HDAC9: variants seen among roughly 807,000 people sequenced by gnomAD.
HDAC9 encodes the protein MEF-2 interacting transcription repressor (MITR) protein.
A neutral mutation model predicts 139.4 loss-of-function variants in HDAC9; 41 were observed. The ratio of observed to expected loss-of-function variants is 0.29; its 90% CI spans 0.23 to 0.38. The LOEUF (loss-of-function observed/expected upper bound fraction) is 0.38, where lower values mean the gene tolerates loss of function less well. HDAC9 is among the 10% of genes least tolerant of loss of function. The pLI, the probability that HDAC9 is intolerant of heterozygous loss-of-function variation, is 1.00. For synonymous variants in HDAC9, 517 were observed against 476.2 expected (o/e 1.09, Z -1.12); for missense variants, 1,147 against 1,297.0 (o/e 0.88, Z 1.78).
chr7:18,645,758 A>C (rs1286277448), intron 9 of HDAC9, among the ~76,000 whole-genome samples: 1 of 152,160 alleles, frequency 6.6e-6, no homozygotes, highest in South Asian at 2.1e-4. Context: ...ATTTATTCCA[A>C]CTCTCATCAC....
intron 2 of HDAC9, among the ~76,000 whole-genome samples, chr7:18,229,092 C>A (rs1368424926): frequency 6.6e-6 from 1 of 152,058 alleles, no homozygotes; most frequent in Non-Finnish European, 1.5e-5. Flanking sequence ...AGGAAAGGGC[C>A]CTGTACTTAA....
chr7:18,268,258 T>G (rs1796120160), intron 2 of HDAC9, among the ~76,000 whole-genome samples: 1 of 152,144 alleles, frequency 6.6e-6, no homozygotes, highest in South Asian at 2.1e-4. Context: ...TATGTCCATG[T>G]CCATGTTTTA....
chr7:18,212,372 A>G (rs1792003275), intron 2 of HDAC9, among the ~76,000 whole-genome samples: 1 of 152,166 alleles, frequency 6.6e-6, no homozygotes, highest in Non-Finnish European at 1.5e-5. Context: ...CATTTTTAAA[A>G]TTCACTATTA....
At chr7:18,366,897 A>G (rs1585402974) in intron 1 of HDAC9, among the ~76,000 whole-genome samples, 1 of 72,998 alleles carries the variant, frequency 1.4e-5, no homozygotes, top group South Asian at 3.8e-4. Flanking sequence ...GTTTAGTAAG[A>G]AAAAAATCTA....
intron 11 of HDAC9, among the ~76,000 whole-genome samples, chr7:18,664,553 G>T (rs144593123): frequency 1.4e-3 from 218 of 151,998 alleles, no homozygotes; most frequent in Non-Finnish European, 1.9e-3. Context: ...ACTTAGATGC[G>T]CTGGTCTCCT....
intron 1 of HDAC9, among the ~76,000 whole-genome samples, chr7:18,394,494 C>T (rs183055203): frequency 8.7e-4 from 133 of 152,220 alleles, no homozygotes; most frequent in African/African-American, 2.7e-3. Context: ...ACAGAATCCC[C>T]TGTGGAGTTC....
intron 1 of HDAC9, among the ~76,000 whole-genome samples, chr7:18,367,036 C>T (rs1784237056): frequency 6.6e-6 from 1 of 152,034 alleles, no homozygotes; most frequent in Non-Finnish European, 1.5e-5. Context: ...CTCTTCCCAT[C>T]TGTATGAGAT....
At chr7:18,769,554 A>ATGTG (rs67450024) in intron 16 of HDAC9, among the ~76,000 whole-genome samples, 12 of 151,144 alleles carry the variant, frequency 7.9e-5, no homozygotes, top group African/African-American at 2.9e-4. Flanking sequence ...GTGGGTGTGA[A>ATGTG]TGTGTGTGTG....
intron 17 of HDAC9, among the ~76,000 whole-genome samples, chr7:18,809,323 A>T (rs1340067111): frequency 6.6e-6 from 1 of 152,048 alleles, no homozygotes; most frequent in Non-Finnish European, 1.5e-5. Context: ...CAACAAAAGC[A>T]AAAGTTGACA....
At chr7:18,494,513 T>C (rs1355775235), upstream of HDAC9, among the ~76,000 whole-genome samples, 1 of 152,090 alleles carries the variant, frequency 6.6e-6, no homozygotes, top group Non-Finnish European at 1.5e-5. Context: ...AGAGCTTCCA[T>C]GACTAGTAGA....
intron 2 of HDAC9, among the ~76,000 whole-genome samples, chr7:18,170,688 A>G (rs980147620): frequency 6.6e-6 from 1 of 152,198 alleles, no homozygotes; most frequent in African/African-American, 2.4e-5. Flanking sequence ...TCCCAGCACC[A>G]TTTATTAAAC....
chr7:18,591,587 ACTC>A lies in HDAC9; in HGVS notation c.489_491del (p.Pro164del). On this transcript the variant is annotated inframe_deletion, in exon 5 of 26. Transcript: ENST00000686413. The stretch of plus-strand genomic sequence containing the variant: ...ACTGAGTAAATCAGCAACGAAAGAC[ACTC>A]CAACTAATGGAAAAAATCATTCCGT... 2 of 1,613,296 alleles carry A rather than the reference ACTC, an allele frequency of 1.2e-6. No individual in the cohort carries two copies. Among genetic ancestry groups the A allele is most frequent in the South Asian group, 2.2e-5 (2 of 91,054 alleles).
At chr7:18,416,827 C>T (rs76537120) in intron 1 of HDAC9, among the ~76,000 whole-genome samples, 4,156 of 152,202 alleles carry the variant, frequency 0.027, 192 homozygotes, top group African/African-American at 0.093. Flanking sequence ...CTAAGAAATA[C>T]TAGCTGTCAT....
chr7:18,962,722 TTCAC>T (rs1184123602), intron 24 of HDAC9, among the ~76,000 whole-genome samples: 1 of 152,158 alleles, frequency 6.6e-6, no homozygotes, highest in Non-Finnish European at 1.5e-5. Context: ...CATGATACCA[TTCAC>T]TGAGACTAGG....
intron 22 of HDAC9, among the ~76,000 whole-genome samples, chr7:18,884,260 A>T (rs2129260006): frequency 6.6e-6 from 1 of 152,314 alleles, no homozygotes. Context: ...ATCAAAAAAC[A>T]CAAAGCTGGA....
chr7:18,396,721 A>G (rs1787098248), intron 1 of HDAC9, among the ~76,000 whole-genome samples: 1 of 152,086 alleles, frequency 6.6e-6, no homozygotes, highest in Admixed American at 6.6e-5. Context: ...AGCGGTGATA[A>G]TTGTGTTTAG....
At chr7:18,846,520 A>G (rs1796915701) in intron 21 of HDAC9, among the ~76,000 whole-genome samples, 1 of 152,248 alleles carries the variant, frequency 6.6e-6, no homozygotes, top group African/African-American at 2.4e-5. Flanking sequence ...GAGAAAGGCC[A>G]TTAGAACATA....
At chr7:18,158,556 A>G (rs1344698659) in intron 1 of HDAC9, among the ~76,000 whole-genome samples, 3 of 152,218 alleles carry the variant, frequency 2.0e-5, no homozygotes, top group Non-Finnish European at 4.4e-5. Flanking sequence ...TGCCAGCCAC[A>G]TATCTGTAAA....
chr7:18,245,017 C>CTATCTATCTATCTATCTATA (rs1489077564), intron 2 of HDAC9, among the ~76,000 whole-genome samples: 3 of 152,006 alleles, frequency 2.0e-5, no homozygotes, highest in African/African-American at 7.3e-5. Flanking sequence ...ATCTATCTAT[C>CTATCTATCTATCTATCTATA]TATCTATTGA....
Sources: allele counts gnomAD v4.1 joint callset (sites outside exome capture counted in the v4.1 genomes callset), GRCh38; gene constraint gnomAD v4.1.1; transcripts MANE v1.5; gene names NCBI Gene and HGNC (gene_info 2026-07-23, HGNC 2026-07-21).